TMEFF2: variants seen among roughly 807,000 people sequenced by gnomAD.
TMEFF2 encodes the protein transmembrane protein with EGF like and two follistatin like domains 2, also known as tomoregulin-2.
A neutral mutation model predicts 53.8 loss-of-function variants in TMEFF2; 28 were observed. The observed-to-expected ratio is 0.52, with a 90% confidence interval of 0.39 to 0.71. The LOEUF (loss-of-function observed/expected upper bound fraction) is 0.71. TMEFF2 is among the 30% of genes least tolerant of loss of function. The pLI, the probability that TMEFF2 is intolerant of heterozygous loss-of-function variation, is 0.00. For missense variants in TMEFF2, 353 were observed against 455.2 expected (o/e 0.78, Z 2.04); for synonymous variants, 162 against 166.3 (o/e 0.97, Z 0.20).
intron 7 of TMEFF2, among the ~76,000 whole-genome samples, chr2:191,993,156 T>C (rs575090269): frequency 1.9e-4 from 29 of 152,218 alleles, no homozygotes; most frequent in African/African-American, 7.0e-4. Context: ...CAATGGCTTC[T>C]ACAGAGAACA....
chr2:191,956,563 A>G (rs888252984), intron 7 of TMEFF2, among the ~76,000 whole-genome samples, 185 bp from the exon 8 acceptor site: 29 of 152,218 alleles, frequency 1.9e-4, no homozygotes, highest in Admixed American at 1.3e-4. Context: ...TTTAGAGATG[A>G]AATTTGCAAA....
chr2:192,101,725 C>T (rs1689035344), intron 4 of TMEFF2, among the ~76,000 whole-genome samples: 1 of 152,168 alleles, frequency 6.6e-6, no homozygotes, highest in East Asian at 1.9e-4. Context: ...GGCAGCATCT[C>T]ATGCTATAAC....
intron 5 of TMEFF2, among the ~76,000 whole-genome samples, chr2:192,026,160 A>G (rs1480755379): frequency 6.6e-6 from 1 of 152,160 alleles, no homozygotes; most frequent in Non-Finnish European, 1.5e-5. Flanking sequence ...ATAAATGTCA[A>G]TCCTCTCTTG....
At position 191,969,728 on chromosome 2, in the gene TMEFF2, G is replaced by T. The variant is rs141780973; in HGVS notation, c.746-13350C>A. 1.5e-3 allele frequency among the ~76,000 whole-genome samples: 221 copies of T among 152,192 alleles called. 2 individuals are homozygous for T. The highest frequency in any genetic ancestry group is 5.1e-3 in the African/African-American group (211 of 41,528). ...GGAGTACTGCCATTTGACAGTACCT[G>T]ACCAAATTAGTGTAAGCAATTCTCA... On this transcript the variant is annotated intron_variant, in intron 7 of 9. Coordinates refer to ENST00000272771, the MANE Select transcript of TMEFF2 (RefSeq NM_016192.4).
chr2:192,164,946 C>T (rs988650469), intron 4 of TMEFF2, among the ~76,000 whole-genome samples: 3 of 149,736 alleles, frequency 2.0e-5, no homozygotes, highest in Admixed American at 6.7e-5. Flanking sequence ...GTTATTAATA[C>T]ATACTAGCAG....
At chr2:192,122,981 A>T (rs1265380038) in intron 4 of TMEFF2, among the ~76,000 whole-genome samples, 1 of 152,208 alleles carries the variant, frequency 6.6e-6, no homozygotes, top group Non-Finnish European at 1.5e-5. Context: ...TCTGAGCTCT[A>T]TAGCAGCCAT....
intron 4 of TMEFF2, among the ~76,000 whole-genome samples, chr2:192,134,916 C>T (rs1229253959): frequency 6.6e-6 from 1 of 152,286 alleles, no homozygotes; most frequent in East Asian, 1.9e-4. Context: ...ATTAAAAACA[C>T]ACCTCACCAA....
chr2:192,071,097 G>A (rs1688284577), intron 4 of TMEFF2, among the ~76,000 whole-genome samples: 1 of 151,890 alleles, frequency 6.6e-6, no homozygotes, highest in Admixed American at 6.6e-5. Flanking sequence ...GTGCAGCAGA[G>A]AGATAGTAAA....
At chr2:192,186,341 G>A (rs1461529494) in intron 2 of TMEFF2, among the ~76,000 whole-genome samples, 3 of 152,152 alleles carry the variant, frequency 2.0e-5, no homozygotes, top group African/African-American at 7.2e-5. Flanking sequence ...CAAAATGCCT[G>A]TAAGATTTGA....
At chr2:191,956,120 A>C in intron 8 of TMEFF2, 135 bp downstream of exon 8, 1 of 868,786 alleles carries the variant, frequency 1.2e-6, no homozygotes. Context: ...ATGCATGCAC[A>C]GGAGGAGCAG....
At chr2:192,176,112 C>T (rs1691035947) in intron 4 of TMEFF2, among the ~76,000 whole-genome samples, 1 of 151,278 alleles carries the variant, frequency 6.6e-6, no homozygotes, top group South Asian at 2.1e-4. Flanking sequence ...TACACACACC[C>T]GTTTTCTTAT....
chr2:192,023,545 T>C (rs1470542458), intron 5 of TMEFF2, among the ~76,000 whole-genome samples: 2 of 152,144 alleles, frequency 1.3e-5, no homozygotes, highest in Non-Finnish European at 2.9e-5. Flanking sequence ...CTTATGTTCT[T>C]CAAAATAGGC....
intron 5 of TMEFF2, among the ~76,000 whole-genome samples, chr2:192,039,564 CAGAAAAA>C: frequency 6.6e-6 from 1 of 152,070 alleles, no homozygotes; most frequent in Admixed American, 6.6e-5. Flanking sequence ...AAAATATTTA[CAGAAAAA>C]TAAACTATGT....
intron 4 of TMEFF2, among the ~76,000 whole-genome samples, chr2:192,062,785 GT>G (rs1273459036): frequency 6.6e-6 from 1 of 151,816 alleles, no homozygotes; most frequent in East Asian, 1.9e-4. Context: ...GAGCATTTTT[GT>G]ATCTATTTTC....
rs1042553491 is a variant in TMEFF2 at position 192,192,137 on chromosome 2, C to T, written c.173-148G>A. On this transcript the variant is annotated intron_variant, in intron 1 of 9. Coordinates refer to ENST00000272771, the MANE Select transcript of TMEFF2 (RefSeq NM_016192.4). The stretch of plus-strand genomic sequence containing the variant: ...CTGCAAGGTCACTGTCTACTGATAA[C>T]CTCAAAATCTAGTTAAGTGATCAAT... The T allele has an allele frequency of 3.8e-5, 22 of 574,128 alleles. No individual in the cohort carries two copies. The African/African-American group carries it at 3.9e-4, about 10-fold the overall frequency. The allele number at this position is 574,128 out of a possible 1,614,324, so 35.6% of individuals were successfully genotyped here. A position where few individuals can be genotyped will look rare whatever the true frequency, so the allele number is the denominator to read the frequency against.
chr2:192,184,446 C>T lies in TMEFF2; in HGVS notation c.320G>A (p.Gly107Glu), dbSNP rs1344917383. The change falls in exon 3 of 10, where the codon GGG (glycine) becomes GAG (glutamate). Residue 107 changes from glycine to glutamate, a missense_variant. Physicochemically the swap from Gly to Glu is moderately conservative, Grantham distance 98. Around this residue, in one of 3 missense-constraint regions of TMEFF2, gnomAD observed 294 missense variants for 397.3 expected, o/e 0.74. Coordinates refer to ENST00000272771, the MANE Select transcript of TMEFF2 (RefSeq NM_016192.4). ...GTAACACTCATTCTGGTAGCTCTCC[C>T]CATTGGAGCCACACACAGGCACATA... ...NDYVPVCGSNGESYQNECYLR... is the reference protein window; with the variant it reads ...NDYVPVCGSNEESYQNECYLR... The T allele has an allele frequency of 6.2e-7, 1 of 1,613,296 alleles. No individual in the cohort carries two copies. The highest frequency in any genetic ancestry group is 1.7e-5 in the Admixed American group (1 of 59,930).
At chr2:192,131,806 C>CT (rs1307312850) in intron 4 of TMEFF2, among the ~76,000 whole-genome samples, 1 of 152,142 alleles carries the variant, frequency 6.6e-6, no homozygotes, top group East Asian at 1.9e-4. Flanking sequence ...TTTTCTTGTG[C>CT]AATGCCGCTT....
chr2:192,026,000 A>G (rs2105866119), intron 5 of TMEFF2, among the ~76,000 whole-genome samples: 1 of 152,316 alleles, frequency 6.6e-6, no homozygotes, highest in East Asian at 1.9e-4. Context: ...AAGACAATGC[A>G]TTTATTGCTA....
At chr2:192,054,239 C>T (rs945289262) in intron 5 of TMEFF2, among the ~76,000 whole-genome samples, 7 of 151,672 alleles carry the variant, frequency 4.6e-5, no homozygotes, top group African/African-American at 1.5e-4. Context: ...TGGTTTCATT[C>T]TGATCTTGTA....
Sources: allele counts gnomAD v4.1 joint callset (sites outside exome capture counted in the v4.1 genomes callset), GRCh38; gene constraint gnomAD v4.1.1; regional missense constraint gnomAD v4.1.1; transcripts MANE v1.5; gene names NCBI Gene and HGNC (gene_info 2026-07-23, HGNC 2026-07-21).